NOL4: variants seen among roughly 807,000 people sequenced by gnomAD.
The protein encoded by NOL4 is cancer/testis antigen 125.
Under a neutral mutation model 75.9 loss-of-function variants are expected in NOL4, and 17 were observed. The observed-to-expected ratio is 0.22, with a 90% CI of 0.15 to 0.34. The LOEUF (loss-of-function observed/expected upper bound fraction) is 0.34. NOL4 is among the 10% of genes least tolerant of loss of function. The pLI is 1.00. For missense variants in NOL4, 614 were observed against 793.5 expected, an observed-to-expected ratio of 0.77 and a Z score of 2.72; for synonymous variants, 292 against 289.9, an observed-to-expected ratio of 1.01 and a Z score of -0.07.
intron 9 of NOL4, among the ~76,000 whole-genome samples, chr18:33,888,313 T>A (rs1401492586): frequency 6.6e-6 from 1 of 152,194 alleles, no homozygotes; most frequent in Non-Finnish European, 1.5e-5. Context: ...AGATTCTGGA[T>A]AATAGCCCTT....
chr18:34,122,213 A>T (rs774815146), intron 2 of NOL4, among the ~76,000 whole-genome samples: 6 of 152,114 alleles, frequency 3.9e-5, no homozygotes, highest in Non-Finnish European at 7.4e-5. Context: ...ATGAGGGTGG[A>T]GGGGGAAATG....
chr18:34,017,992 A>G (rs1445449068), intron 6 of NOL4, among the ~76,000 whole-genome samples: 1 of 152,198 alleles, frequency 6.6e-6, no homozygotes, highest in Non-Finnish European at 1.5e-5. Flanking sequence ...AATATGTGCA[A>G]GAATATGTTT....
intron 6 of NOL4, among the ~76,000 whole-genome samples, chr18:33,989,296 C>T (rs1277998476): frequency 6.6e-6 from 1 of 151,238 alleles, no homozygotes; most frequent in Non-Finnish European, 1.5e-5. Flanking sequence ...CTGCCATTCA[C>T]CATTGCATCC....
chr18:34,182,288 A>G (rs1253586917), intron 1 of NOL4, among the ~76,000 whole-genome samples: 1 of 151,684 alleles, frequency 6.6e-6, no homozygotes, highest in Non-Finnish European at 1.5e-5. Context: ...TGCTAAATGA[A>G]AGAAAACAGA....
At chr18:34,192,007 T>C (rs1326075708) in intron 1 of NOL4, among the ~76,000 whole-genome samples, 5 of 152,176 alleles carry the variant, frequency 3.3e-5, no homozygotes, top group African/African-American at 1.2e-4. Context: ...GTAAAGGAGA[T>C]ACTGTTTGTT....
At chr18:33,964,309 T>C (rs970731247) in intron 6 of NOL4, among the ~76,000 whole-genome samples, 1 of 152,082 alleles carries the variant, frequency 6.6e-6, no homozygotes, top group African/African-American at 2.4e-5. Context: ...CTTTAAAAAA[T>C]ATCAGTTATT....
intron 1 of NOL4, among the ~76,000 whole-genome samples, chr18:34,155,499 C>A (rs2030210908): frequency 1.3e-5 from 2 of 151,956 alleles, no homozygotes; most frequent in African/African-American, 4.8e-5. Flanking sequence ...CCTTATCATG[C>A]AAACATCATA....
intron 1 of NOL4, among the ~76,000 whole-genome samples, chr18:34,175,499 C>A (rs1170285039): frequency 6.6e-6 from 1 of 152,110 alleles, no homozygotes; most frequent in Non-Finnish European, 1.5e-5. Flanking sequence ...ATCCAGATGA[C>A]CACACATGTA....
intron 1 of NOL4, among the ~76,000 whole-genome samples, chr18:34,206,402 T>C (rs2036126264): frequency 6.6e-6 from 1 of 152,190 alleles, no homozygotes; most frequent in South Asian, 2.1e-4. Context: ...ATCATATCTA[T>C]TCATACTGAA....
chr18:34,046,060 T>C (rs2076348939), intron 5 of NOL4, among the ~76,000 whole-genome samples: 1 of 152,156 alleles, frequency 6.6e-6, no homozygotes, highest in South Asian at 2.1e-4. Flanking sequence ...GTTTCTGTTG[T>C]AAATTTCCTG....
intron 1 of NOL4, among the ~76,000 whole-genome samples, chr18:34,188,107 C>T (rs1353821895): frequency 1.3e-5 from 2 of 152,166 alleles, no homozygotes; most frequent in Admixed American, 6.5e-5. Flanking sequence ...TTTGTAGACA[C>T]TGTGTATCCA....
intron 1 of NOL4, among the ~76,000 whole-genome samples, chr18:34,203,713 T>TCACACA (rs1408909635): frequency 1.7e-3 from 104 of 62,666 alleles, no homozygotes; most frequent in African/African-American, 3.0e-3. Context: ...TCTCTCTCTC[T>TCACACA]CTCTCACACA....
chr18:33,879,482 G>C (rs186611329), intron 10 of NOL4, among the ~76,000 whole-genome samples: 3 of 151,892 alleles, frequency 2.0e-5, no homozygotes, highest in African/African-American at 7.2e-5. Flanking sequence ...GACCAGCCTG[G>C]GCAACATGGT....
At chr18:34,098,206 AT>A (rs945365829) in intron 4 of NOL4, among the ~76,000 whole-genome samples, 2 of 151,970 alleles carry the variant, frequency 1.3e-5, no homozygotes, top group Non-Finnish European at 2.9e-5. Context: ...TGGTTTTGTT[AT>A]TTGCTTTGGT....
intron 6 of NOL4, among the ~76,000 whole-genome samples, chr18:33,974,583 A>G (rs1306884645): frequency 6.6e-6 from 1 of 152,186 alleles, no homozygotes; most frequent in Admixed American, 6.5e-5. Flanking sequence ...TTACAATATT[A>G]ACACTGAAGA....
At chr18:33,931,791 A>C (rs2067710854) in intron 9 of NOL4, among the ~76,000 whole-genome samples, 1 of 152,056 alleles carries the variant, frequency 6.6e-6, no homozygotes, top group African/African-American at 2.4e-5. Context: ...ATCAGTTAAA[A>C]GCCTTTTTAG....
intron 10 of NOL4, among the ~76,000 whole-genome samples, chr18:33,861,297 T>C (rs551421672): frequency 5.5e-4 from 84 of 152,298 alleles, no homozygotes; most frequent in African/African-American, 1.3e-3. Context: ...TATGGATTAT[T>C]GCCACAATTT....
intron 2 of NOL4, among the ~76,000 whole-genome samples, chr18:34,123,328 T>G (rs1002621492): frequency 2.9e-4 from 44 of 151,624 alleles, no homozygotes; most frequent in African/African-American, 9.4e-4. Context: ...ACTGTTTCCT[T>G]CTGAGATGTT....
chr18:34,037,263 C>T (rs1332409015), intron 5 of NOL4, among the ~76,000 whole-genome samples: 1 of 151,910 alleles, frequency 6.6e-6, no homozygotes, highest in African/African-American at 2.4e-5. Context: ...ATTAAAATAA[C>T]ACAGGAGGAC....
Sources: allele counts gnomAD v4.1 joint callset (sites outside exome capture counted in the v4.1 genomes callset), GRCh38; gene constraint gnomAD v4.1.1; transcripts MANE v1.5; gene names NCBI Gene and HGNC (gene_info 2026-07-23, HGNC 2026-07-21).